SRPK1: variants seen among roughly 807,000 people sequenced by gnomAD.
SRPK1 encodes SFRS protein kinase 1.
Under a neutral mutation model 89.5 loss-of-function variants are expected in SRPK1, and 52 were observed. The observed-to-expected ratio is 0.58, with a 90% CI of 0.46 to 0.73. The LOEUF (loss-of-function observed/expected upper bound fraction) is 0.73. Among genes scored for constraint, SRPK1 ranks in the 30% least tolerant of loss-of-function variants. The probability of loss-of-function intolerance (pLI) is 0.00; values close to 1 mark genes in which losing one functional copy is unlikely to be tolerated. For synonymous variants in SRPK1, 255 were observed against 270.2 expected, an observed-to-expected ratio of 0.94 and a Z score of 0.55; for missense variants, 603 against 780.6, an observed-to-expected ratio of 0.77 and a Z score of 2.71.
intron 2 of SRPK1, among the ~76,000 whole-genome samples, chr6:35,898,721 G>A (rs1342202737): frequency 6.6e-6 from 1 of 151,850 alleles, no homozygotes; most frequent in African/African-American, 2.4e-5. Context: ...AACAGAACGA[G>A]ACTCCATCTC....
At chr6:35,855,264 T>C (rs1245409531) in intron 13 of SRPK1, among the ~76,000 whole-genome samples, 1 of 151,940 alleles carries the variant, frequency 6.6e-6, no homozygotes, top group Non-Finnish European at 1.5e-5. Context: ...ATTGCGCCAC[T>C]GTACTCCAGC....
At chr6:35,906,131 A>T (rs935878684) in intron 2 of SRPK1, among the ~76,000 whole-genome samples, 3 of 152,258 alleles carry the variant, frequency 2.0e-5, no homozygotes, top group Non-Finnish European at 4.4e-5. Flanking sequence ...CAGGTTGAGT[A>T]AAATGAACTC....
chr6:35,835,244 G>C lies in SRPK1; in HGVS notation c.*60C>G. ...CACCCTGAAAAGGGAAGAGGAAAAT[G>C]CTTGAAGGGGAAGGGCGGAGGGTCA... On this transcript the variant is annotated 3_prime_UTR_variant, in exon 16 of 16. Transcript: ENST00000373825. The C allele has an allele frequency of 3.5e-6, 5 of 1,421,340 alleles. No homozygotes were observed. Among genetic ancestry groups the C allele is most frequent in the Non-Finnish European group, 4.8e-6 (5 of 1,048,012 alleles). 88.0% of individuals were successfully genotyped at this position (1,421,340 alleles called of 1,614,324 possible).
At chr6:35,869,171 A>G (rs1769972782) in intron 11 of SRPK1, 61 bp from the exon 12 acceptor site, 1 of 1,361,084 alleles carries the variant, frequency 7.3e-7, no homozygotes, top group Non-Finnish European at 1.0e-6. Flanking sequence ...CTCAATGAGT[A>G]ATAAAGCTCT....
At chr6:35,891,272 A>C (rs572687320) in intron 2 of SRPK1, among the ~76,000 whole-genome samples, 2 of 152,348 alleles carry the variant, frequency 1.3e-5, no homozygotes, top group African/African-American at 2.4e-5. Context: ...TCAATATCCA[A>C]ACATAATCAC....
chr6:35,920,991 GCCTCGCCC>G, intron 1 of SRPK1, 45 bp downstream of exon 1: 1 of 1,522,606 alleles, frequency 6.6e-7, no homozygotes, highest in Non-Finnish European at 8.8e-7. Context: ...GCTGACCCGG[GCCTCGCCC>G]CGGCGACCAT....
chr6:35,847,797 T>A (rs1769457341), intron 13 of SRPK1, among the ~76,000 whole-genome samples: 1 of 152,038 alleles, frequency 6.6e-6, no homozygotes, highest in Non-Finnish European at 1.5e-5. Flanking sequence ...TGAAAATATA[T>A]CTTATGTTCA....
chr6:35,886,050 TTCTC>T (rs774946755), intron 6 of SRPK1, among the ~76,000 whole-genome samples: 2 of 151,398 alleles, frequency 1.3e-5, no homozygotes, highest in African/African-American at 4.9e-5. Flanking sequence ...TTCTTTTTCT[TTCTC>T]TCTTTTTCTC....
chr6:35,873,858 G>A (rs1328705444), intron 7 of SRPK1, among the ~76,000 whole-genome samples: 2 of 149,812 alleles, frequency 1.3e-5, no homozygotes, highest in African/African-American at 2.5e-5. Context: ...ACGGAGTCTC[G>A]CTCTGTCGCC....
chr6:35,846,598 G>C (rs1769431884), intron 13 of SRPK1, among the ~76,000 whole-genome samples: 2 of 149,180 alleles, frequency 1.3e-5, no homozygotes, highest in Admixed American at 1.3e-4. Flanking sequence ...ATGAAGAAAT[G>C]AAAGAGGAGA....
intron 15 of SRPK1, among the ~76,000 whole-genome samples, 158 bp from the exon 16 acceptor site, chr6:35,835,646 T>C (rs1372277535): frequency 6.6e-6 from 1 of 152,206 alleles, no homozygotes; most frequent in Non-Finnish European, 1.5e-5. Flanking sequence ...TTTTCTGACA[T>C]ATGCCTCAGA....
intron 6 of SRPK1, among the ~76,000 whole-genome samples, chr6:35,880,746 A>AAGAAAAAAAG (rs1582014682): frequency 1.1e-5 from 1 of 89,228 alleles, no homozygotes; most frequent in Non-Finnish European, 2.2e-5. Context: ...AAAAAAAAAA[A>AAGAAAAAAAG]AAAAGAAAAG....
intron 4 of SRPK1, among the ~76,000 whole-genome samples, chr6:35,888,351 A>G (rs970994036): frequency 1.3e-5 from 2 of 152,186 alleles, no homozygotes; most frequent in Non-Finnish European, 2.9e-5. Flanking sequence ...ATTTTCTCTG[A>G]GTTAAAATCC....
chr6:35,895,783 T>C (rs143063654), intron 2 of SRPK1: 1 of 152,350 alleles, frequency 6.6e-6, no homozygotes, highest in Non-Finnish European at 1.5e-5. Context: ...CTCAGTCTAT[T>C]AGGTCGTACT....
At chr6:35,890,689 A>C (rs1449899959) in intron 3 of SRPK1, among the ~76,000 whole-genome samples, 1 of 152,256 alleles carries the variant, frequency 6.6e-6, no homozygotes, top group African/African-American at 2.4e-5. Context: ...TAATTTTTAA[A>C]GAGGAAAAAG....
intron 6 of SRPK1, 100 bp downstream of exon 6, chr6:35,886,624 T>A: frequency 1.4e-6 from 1 of 717,126 alleles, no homozygotes; most frequent in South Asian, 1.5e-5. Flanking sequence ...TTTATTATAG[T>A]TTGCCTTAGA....
intron 2 of SRPK1, among the ~76,000 whole-genome samples, chr6:35,913,841 A>G (rs1056113438): frequency 6.6e-6 from 1 of 151,790 alleles, no homozygotes; most frequent in Non-Finnish European, 1.5e-5. Context: ...AAGAAAAAGC[A>G]GAGGAAAAGA....
chr6:35,894,358 A>AG (rs1020373379), intron 2 of SRPK1, among the ~76,000 whole-genome samples: 3 of 152,208 alleles, frequency 2.0e-5, no homozygotes, highest in Non-Finnish European at 2.9e-5. Context: ...CCCTAAATGT[A>AG]GGGGGGAAAA....
intron 6 of SRPK1, among the ~76,000 whole-genome samples, chr6:35,881,620 T>C (rs1770293467): frequency 1.3e-5 from 2 of 151,482 alleles, no homozygotes; most frequent in African/African-American, 4.9e-5. Flanking sequence ...TCAGACAAAA[T>C]AGATTTTCAA....
Sources: allele counts gnomAD v4.1 joint callset (sites outside exome capture counted in the v4.1 genomes callset), GRCh38; gene constraint gnomAD v4.1.1; transcripts MANE v1.5; gene names NCBI Gene and HGNC (gene_info 2026-07-23, HGNC 2026-07-21).